The following CTCF variants were observed in gnomAD, a reference collection of about 807,000 sequenced individuals.
The protein encoded by CTCF is transcriptional repressor CTCF.
Under a neutral mutation model 72.3 loss-of-function variants are expected in CTCF, and 7 were observed. The ratio of observed to expected loss-of-function variants is 0.10; its 90% CI spans 0.06 to 0.18. CTCF has a LOEUF of 0.18. Among genes scored for constraint, CTCF ranks in the 10% least tolerant of loss-of-function variants. The pLI is 1.00. For synonymous variants in CTCF, 374 were observed against 315.8 expected (o/e 1.18, Z -1.95); for missense variants, 516 against 949.1 (o/e 0.54, Z 6.00).
chr16:67,595,788 G>A (rs1320306584), intron 2 of CTCF, among the ~76,000 whole-genome samples: 3 of 151,952 alleles, frequency 2.0e-5, no homozygotes, highest in Non-Finnish European at 2.9e-5. Flanking sequence ...TCTCCTGTCC[G>A]CCCTCCCTTT....
intron 2 of CTCF, among the ~76,000 whole-genome samples, chr16:67,589,649 A>C (rs2051712348): frequency 6.6e-6 from 1 of 152,192 alleles, no homozygotes; most frequent in African/African-American, 2.4e-5. Context: ...AACCTCGTGC[A>C]GAAGACAAAG....
In CTCF at chr16:67,607,639, T is replaced by C. The variant is rs559485503; in HGVS notation, c.-9-3185T>C. 1.6e-3 allele frequency among the ~76,000 whole-genome samples: 246 copies of C among 152,086 alleles called. 1 individual carries two copies. The highest frequency in any genetic ancestry group is 5.7e-3 in the African/African-American group (235 of 41,532). ...AGATATAAGAGCCAAAAACTATGAA[T>C]TGGCTGATTTGTTTTCTGCTTTCTA... On this transcript the variant is annotated intron_variant, in intron 2 of 11. Transcript: ENST00000264010.
At chr16:67,622,502 T>C (rs2052214943) in intron 7 of CTCF, among the ~76,000 whole-genome samples, 1 of 152,188 alleles carries the variant, frequency 6.6e-6, no homozygotes, top group Non-Finnish European at 1.5e-5. Context: ...AAATTCATGA[T>C]CCCAAATGTA....
intron 4 of CTCF, 109 bp from the exon 5 acceptor site, chr16:67,616,636 A>G (rs2052135063): frequency 1.6e-6 from 2 of 1,266,886 alleles, no homozygotes; most frequent in Non-Finnish European, 1.1e-6. Flanking sequence ...ACTGCAGTTG[A>G]TGGGATGAAT....
chr16:67,627,036 T>C (rs1416629068), intron 8 of CTCF: 1 of 211,782 alleles, frequency 4.7e-6, no homozygotes. Context: ...AAGAAGGAGC[T>C]CAGCAGGAAT....
At chr16:67,609,780 G>A (rs750375153) in intron 2 of CTCF, among the ~76,000 whole-genome samples, 48 of 151,928 alleles carry the variant, frequency 3.2e-4, no homozygotes, top group Non-Finnish European at 6.0e-4. Flanking sequence ...CCACCACCAC[G>A]CCCGGCTAAT....
chr16:67,603,424 T>A (rs540501787), intron 2 of CTCF, among the ~76,000 whole-genome samples: 1 of 151,570 alleles, frequency 6.6e-6, no homozygotes, highest in South Asian at 2.1e-4. Flanking sequence ...TCCCAGCTAC[T>A]CAGGAGGCTG....
chr16:67,628,819 G>A (rs1261859573), intron 9 of CTCF, among the ~76,000 whole-genome samples: 1 of 152,200 alleles, frequency 6.6e-6, no homozygotes, highest in Non-Finnish European at 1.5e-5. Context: ...CCAGCACTTT[G>A]GGAGGCCAAG....
Position 67,629,525 on chromosome 16 carries a change from C to T in CTCF, c.1829C>T (p.Ser610Phe). The change falls in exon 10 of 12, where the codon TCT becomes TTT. Residue 610 changes from serine (S) to phenylalanine (F), a missense_variant. Physicochemically the swap from Ser to Phe is radical, Grantham distance 155. This residue lies in a region of CTCF where 157 missense variants were observed against 172.9 expected (regional missense o/e 0.91). Transcript: ENST00000264010. Reference sequence around the variant, plus strand: ...ATGCGCTCTAAGAAAGAAGATTCCTCTGACAGTGGTAAGTGACTTGTTCCT... The same window carrying T: ...ATGCGCTCTAAGAAAGAAGATTCCTTTGACAGTGGTAAGTGACTTGTTCCT... ...RKMRSKKEDSSDSENAEPDLD... is the reference protein window; with the variant it reads ...RKMRSKKEDSFDSENAEPDLD... 1 of 1,612,686 alleles carries T rather than the reference C, an allele frequency of 6.2e-7. No individual in the cohort carries two copies. The highest frequency in any genetic ancestry group is 8.5e-7 in the Non-Finnish European group (1 of 1,179,632).
At chr16:67,636,972 C>A in intron 11 of CTCF, 121 bp downstream of exon 11, 2 of 887,714 alleles carry the variant, frequency 2.3e-6, no homozygotes, top group African/African-American at 1.7e-5. Context: ...AAGGGCATGT[C>A]GAGAACAAAC....
chr16:67,595,307 A>T (rs2051796790), intron 2 of CTCF, among the ~76,000 whole-genome samples: 1 of 151,982 alleles, frequency 6.6e-6, no homozygotes, highest in Non-Finnish European at 1.5e-5. Flanking sequence ...ATAGGTACAA[A>T]CCACCATGTC....
chr16:67,614,069 G>A (rs764833768), intron 4 of CTCF, among the ~76,000 whole-genome samples: 9 of 152,098 alleles, frequency 5.9e-5, no homozygotes, highest in Admixed American at 1.3e-4. Flanking sequence ...TGTAGCAGCC[G>A]GGCGCCGTAG....
At chr16:67,633,957 T>C (rs1242129616) in intron 10 of CTCF, among the ~76,000 whole-genome samples, 1 of 152,000 alleles carries the variant, frequency 6.6e-6, no homozygotes, top group East Asian at 1.9e-4. Flanking sequence ...TTCGGTATTG[T>C]GTTGAGTCAA....
chr16:67,617,005 C>A (rs2052139969), intron 5 of CTCF, 127 bp downstream of exon 5: 1 of 897,820 alleles, frequency 1.1e-6, no homozygotes, highest in Non-Finnish European at 1.8e-6. Context: ...TATTAACACT[C>A]CCACACAACA....
chr16:67,565,448 G>A (rs998581587), intron 1 of CTCF, among the ~76,000 whole-genome samples: 2 of 152,014 alleles, frequency 1.3e-5, no homozygotes, highest in African/African-American at 4.8e-5. Flanking sequence ...ACCAAGGCGG[G>A]AGAATCACGA....
chr16:67,638,255 A>T lies in CTCF; in HGVS notation c.*383A>T. ...TTCCCAAGAGAGTTTTTAATTGTAA[A>T]TGCATACTTGGGAAGGACTTAGAGT... is the stretch of plus-strand genomic sequence containing the variant. On this transcript the variant is annotated 3_prime_UTR_variant, in exon 12 of 12. Coordinates refer to ENST00000264010, the MANE Select transcript of CTCF (RefSeq NM_006565.4). The T allele has an allele frequency of 4.0e-6, 1 of 248,384 alleles. No homozygotes were observed. The highest frequency in any genetic ancestry group is 5.9e-5 in the East Asian group (1 of 16,932). The allele number at this position is 248,384 out of a possible 1,614,324, so 15.4% of individuals were successfully genotyped here. A position where few individuals can be genotyped will look rare whatever the true frequency, so the allele number is the denominator to read the frequency against.
rs58183374 is a variant in CTCF, at chr16:67,590,960, CAAAAAAAAAAAA to C, written c.-10+19708_-10+19719del. ...TGGATGACAGAGTGAGACTCTGTCT[CAAAAAAAAAAAA>C]AAAAAAAAAAATGCTGGACTGGGTG... On this transcript the variant is annotated intron_variant, in intron 2 of 11. Transcript: ENST00000264010. 5.4e-5 allele frequency among the ~76,000 whole-genome samples: 3 copies of C among 55,130 alleles called. No homozygotes were observed. The South Asian group carries it at 2.1e-3, about 39-fold the overall frequency. 36.2% of individuals were successfully genotyped at this position (55,130 alleles called of 152,430 possible).
chr16:67,612,266 A>G (rs2052071021), intron 4 of CTCF, 145 bp downstream of exon 4: 1 of 688,870 alleles, frequency 1.5e-6, no homozygotes, highest in African/African-American at 1.8e-5. Flanking sequence ...ATTTTATTGT[A>G]AGCACTTGGA....
intron 2 of CTCF, among the ~76,000 whole-genome samples, chr16:67,604,897 C>A (rs144973683): frequency 1.7e-4 from 25 of 146,158 alleles, no homozygotes; most frequent in Non-Finnish European, 3.6e-4. Context: ...CTGAACAGTA[C>A]TGAGTATATA....
Sources: allele counts gnomAD v4.1 joint callset (sites outside exome capture counted in the v4.1 genomes callset), GRCh38; gene constraint gnomAD v4.1.1; regional missense constraint gnomAD v4.1.1; transcripts MANE v1.5; gene names NCBI Gene and HGNC (gene_info 2026-07-23, HGNC 2026-07-21).